PRR11: variants seen among roughly 807,000 people sequenced by gnomAD.
PRR11 encodes the protein proline-rich protein 11.
In PRR11, 30 loss-of-function variants were observed where a neutral mutation model predicts 45.6. The observed-to-expected ratio is 0.66, with a 90% CI of 0.49 to 0.89. The LOEUF (loss-of-function observed/expected upper bound fraction) is 0.89. Among genes scored for constraint, PRR11 ranks in the 40% least tolerant of loss-of-function variants. PRR11 has a pLI of 0.00. For missense variants in PRR11, 373 were observed against 424.8 expected, an observed-to-expected ratio of 0.88 and a Z score of 1.07; for synonymous variants, 128 against 153.5, an observed-to-expected ratio of 0.83 and a Z score of 1.23.
intron 2 of PRR11, among the ~76,000 whole-genome samples, chr17:59,176,149 G>A (rs1355681201): frequency 3.9e-5 from 6 of 152,162 alleles, no homozygotes; most frequent in Non-Finnish European, 5.9e-5. Context: ...ACATGTGTGC[G>A]GGACACCCAG....
rs541780941 is a variant in PRR11 at position 59,180,501 on chromosome 17, T to TTTTTTTTTTGTTTTTTTTG, written c.129-4545_129-4544insTGTTTTTTTTGTTTTTTTT. Among the ~76,000 whole-genome samples the TTTTTTTTTTGTTTTTTTTG allele has an allele frequency of 9.0e-4, 105 of 116,216 alleles. 1 individual carries two copies. The highest frequency in any genetic ancestry group is 3.6e-3 in the African/African-American group (101 of 28,322). 76.2% of individuals were successfully genotyped at this position (116,216 alleles called of 152,430 possible). ...TGACTTCTGGGCCCGTCCTTGTTTT[T>TTTTTTTTTTGTTTTTTTTG]TTTTTTTTGTTTTTTTTGTTTTTTT... On this transcript the variant is annotated intron_variant, in intron 2 of 9. Coordinates refer to ENST00000262293, the MANE Select transcript of PRR11 (RefSeq NM_018304.4).
At chr17:59,165,531 G>A (rs2046675392) in intron 1 of PRR11, among the ~76,000 whole-genome samples, 1 of 151,656 alleles carries the variant, frequency 6.6e-6, no homozygotes, top group Admixed American at 6.6e-5. Context: ...AGTGGCTGAC[G>A]CCTGTAATCC....
At chr17:59,161,066 G>T (rs542093708) in intron 1 of PRR11, among the ~76,000 whole-genome samples, 2 of 152,008 alleles carry the variant, frequency 1.3e-5, no homozygotes, top group Admixed American at 6.6e-5. Flanking sequence ...TGTTTCTAAT[G>T]ATTTTTCAGA....
chr17:59,159,271 A>C (rs778809603), intron 1 of PRR11, among the ~76,000 whole-genome samples: 8 of 152,126 alleles, frequency 5.3e-5, no homozygotes, highest in Non-Finnish European at 1.0e-4. Context: ...CAGCTCATAG[A>C]TCTTTTCACT....
intron 9 of PRR11, 29 bp from the exon 10 acceptor site, chr17:59,201,534 A>G: frequency 6.3e-7 from 1 of 1,595,062 alleles, no homozygotes; most frequent in Non-Finnish European, 8.5e-7. Flanking sequence ...TATAATTGAT[A>G]TTATAATTGG....
chr17:59,194,876 T>G (rs1375471951), intron 6 of PRR11, 21 bp downstream of exon 6: 1 of 1,580,842 alleles, frequency 6.3e-7, no homozygotes, highest in Non-Finnish European at 8.7e-7. Context: ...ATTGACCACA[T>G]ACATGCTCTT....
rs767770451 is a variant in PRR11, at chr17:59,185,188, A to T, written c.263A>T (p.Gln88Leu). ...NRVWSIYSWCQNCITQSLEVL... is the reference protein window; with the variant it reads ...NRVWSIYSWCLNCITQSLEVL... The stretch of plus-strand genomic sequence containing the variant: ...GTATGGTCTATATACAGCTGGTGCC[A>T]GAACTGCATAACCCAGGTATGGATG... The change falls in exon 3 of 10, where the codon CAG becomes CTG. Residue 88 changes from glutamine to leucine, a missense_variant. Transcript: ENST00000262293. 5.0e-6 allele frequency: 8 copies of T among 1,614,048 alleles called. No homozygotes were observed. The highest frequency in any genetic ancestry group is 6.8e-6 in the Non-Finnish European group (8 of 1,179,992).
At chr17:59,156,884 C>G (rs1198411581) in intron 1 of PRR11, among the ~76,000 whole-genome samples, 1 of 152,192 alleles carries the variant, frequency 6.6e-6, no homozygotes, top group Non-Finnish European at 1.5e-5. Flanking sequence ...GCCTCAGCCT[C>G]CCAAAGTGCT....
chr17:59,177,794 T>C (rs2046756393), intron 2 of PRR11, among the ~76,000 whole-genome samples: 1 of 151,958 alleles, frequency 6.6e-6, no homozygotes, highest in Non-Finnish European at 1.5e-5. Context: ...GACAGGAGGA[T>C]CAAGTGAGTC....
chr17:59,156,419 G>A, intron 1 of PRR11, among the ~76,000 whole-genome samples: 1 of 150,956 alleles, frequency 6.6e-6, no homozygotes, highest in Non-Finnish European at 1.5e-5. Context: ...AAAAAAAAAA[G>A]CATAAAACAT....
intron 1 of PRR11, among the ~76,000 whole-genome samples, chr17:59,157,401 A>T (rs893485888): frequency 2.0e-5 from 3 of 152,166 alleles, no homozygotes; most frequent in Non-Finnish European, 4.4e-5. Context: ...CATTTCAGCC[A>T]GTATAAATTC....
Position 59,204,729 on chromosome 17 carries a change from AAAG to A in PRR11, c.*3101_*3103del, listed in dbSNP as rs2046910365. The stretch of plus-strand genomic sequence containing the variant: ...TCAAAAAAAAAAAAAAGAAAGAAAG[AAAG>A]AAAAAATGCTTTATGGCCCAGTGCA... On this transcript the variant is annotated 3_prime_UTR_variant, in exon 10 of 10. Coordinates refer to ENST00000262293, the MANE Select transcript of PRR11 (RefSeq NM_018304.4). 10 of 152,110 alleles carry A rather than the reference AAAG, an allele frequency of 6.6e-5. No individual in the cohort carries two copies. The highest frequency in any genetic ancestry group is 2.1e-4 in the South Asian group (1 of 4,800). 9.4% of individuals were successfully genotyped at this position (152,110 alleles called of 1,614,324 possible). A position where few individuals can be genotyped will look rare whatever the true frequency, so the allele number is the denominator to read the frequency against.
intron 1 of PRR11, among the ~76,000 whole-genome samples, chr17:59,162,981 C>T (rs2046661232): frequency 6.6e-6 from 1 of 152,116 alleles, no homozygotes; most frequent in Non-Finnish European, 1.5e-5. Flanking sequence ...CTGCCTGCCT[C>T]AGCCTCTCAA....
intron 4 of PRR11, among the ~76,000 whole-genome samples, chr17:59,187,288 CAG>C (rs1298727318): frequency 3.9e-5 from 6 of 152,070 alleles, no homozygotes; most frequent in Non-Finnish European, 8.8e-5. Flanking sequence ...AAGAGTGAAT[CAG>C]GGGCTGGGCG....
At chr17:59,162,240 A>G (rs2046656303) in intron 1 of PRR11, among the ~76,000 whole-genome samples, 1 of 147,896 alleles carries the variant, frequency 6.8e-6, no homozygotes, top group African/African-American at 2.7e-5. Context: ...ACACACACAC[A>G]CACACACACA....
intron 9 of PRR11, 60 bp from the exon 10 acceptor site, chr17:59,201,503 G>A: frequency 2.0e-6 from 3 of 1,538,264 alleles, no homozygotes; most frequent in Non-Finnish European, 2.7e-6. Context: ...TGAGAAAGGA[G>A]AGTTGTACTT....
intron 2 of PRR11, among the ~76,000 whole-genome samples, chr17:59,181,252 T>C (rs1321026687): frequency 6.6e-6 from 1 of 151,696 alleles, no homozygotes; most frequent in African/African-American, 2.4e-5. Flanking sequence ...CCTCCGAAAG[T>C]GCTGGGATTA....
intron 1 of PRR11, among the ~76,000 whole-genome samples, chr17:59,162,774 G>T (rs557197172): frequency 1.1e-4 from 16 of 144,300 alleles, no homozygotes; most frequent in Non-Finnish European, 2.2e-4. Flanking sequence ...TGTTGCCCAG[G>T]CTGGAGTGCA....
intron 2 of PRR11, chr17:59,181,812 G>A (rs1319216709): frequency 1.7e-5 from 24 of 1,372,902 alleles, no homozygotes; most frequent in Middle Eastern, 2.9e-4. Context: ...CCCCGACCCC[G>A]ACCCCAACCC....
Sources: gnomAD v4.1 joint callset for allele counts (sites outside exome capture counted in the v4.1 genomes callset) on GRCh38, gnomAD v4.1.1 for gene constraint, MANE v1.5 for transcripts, NCBI Gene and HGNC (gene_info 2026-07-23, HGNC 2026-07-21) for gene names.